Variants in DEPDC1B observed in about 807,000 individuals in gnomAD.
The protein encoded by DEPDC1B is DEP domain-containing protein 1B.
DEPDC1B carries 51 observed loss-of-function variants against 66.5 expected under a neutral mutation model. That is an observed-to-expected ratio of 0.77 (90% confidence interval 0.61 to 0.97). DEPDC1B has a LOEUF of 0.97. DEPDC1B is among the 50% of genes least tolerant of loss of function. The pLI is 0.00. For missense variants in DEPDC1B, 552 were observed against 637.1 expected, an observed-to-expected ratio of 0.87 and a Z score of 1.44; for synonymous variants, 226 against 223.6, an observed-to-expected ratio of 1.01 and a Z score of -0.10.
At position 60,603,428 on chromosome 5, in the gene DEPDC1B, G is replaced by C. The variant is rs757977144; in HGVS notation, c.1205C>G (p.Ser402Cys). 6.2e-7 allele frequency: 1 copy of C among 1,610,618 alleles called. No individual in the cohort carries two copies. The highest frequency in any genetic ancestry group is 2.2e-5 in the East Asian group (1 of 44,746). Reference protein sequence around the residue: ...ILKVPLALQTSIEERVAHLRR... With the variant: ...ILKVPLALQTCIEERVAHLRR... Reference sequence around the variant, plus strand: ...TAGATGAGCCACACGCTCCTCTATAGAGGTCTGCAAGGCCAAAGGGACTTT... The same window carrying C: ...TAGATGAGCCACACGCTCCTCTATACAGGTCTGCAAGGCCAAAGGGACTTT... The change falls in exon 9 of 11, where the codon TCT becomes TGT. Residue 402 changes from serine to cysteine, a missense_variant. Ser to Cys is a moderately radical substitution (Grantham distance 112). Transcript: ENST00000265036.
chr5:60,667,686 TAATGGATATTTTACATGTATATAA>T (rs1554054904), intron 2 of DEPDC1B, among the ~76,000 whole-genome samples: 2 of 123,236 alleles, frequency 1.6e-5, no homozygotes, highest in Admixed American at 8.1e-5. Flanking sequence ...TACATGTATA[TAATGGATATTTTACATGTATATAA>T]AATGGATATT....
intron 9 of DEPDC1B, 95 bp from the exon 10 acceptor site, chr5:60,599,355 C>T (rs1487434715): frequency 5.6e-6 from 5 of 899,728 alleles, no homozygotes; most frequent in East Asian, 6.3e-5. Flanking sequence ...CTCCTTGTAC[C>T]GTAGCAATGC....
intron 7 of DEPDC1B, among the ~76,000 whole-genome samples, chr5:60,628,038 T>C (rs1442641570): frequency 2.6e-5 from 4 of 152,124 alleles, no homozygotes; most frequent in African/African-American, 4.8e-5. Flanking sequence ...CCAAATAAAC[T>C]GTGCAATCAA....
chr5:60,699,995 G>T (rs889716323), intron 1 of DEPDC1B, 51 bp downstream of exon 1: 36 of 1,542,046 alleles, frequency 2.3e-5, no homozygotes, highest in South Asian at 3.6e-5. Context: ...CGCGCTGAGT[G>T]GGGGCTCGCG....
chr5:60,644,282 T>C (rs1753258741), intron 5 of DEPDC1B, among the ~76,000 whole-genome samples: 1 of 149,630 alleles, frequency 6.7e-6, no homozygotes, highest in Non-Finnish European at 1.5e-5. Flanking sequence ...GGGTGGGAAA[T>C]ATAAAAAATC....
chr5:60,645,397 C>A (rs1436674171), intron 4 of DEPDC1B, 95 bp downstream of exon 4: 2 of 1,226,550 alleles, frequency 1.6e-6, no homozygotes, highest in Non-Finnish European at 2.2e-6. Flanking sequence ...GATTTTTATA[C>A]ATAATTTCAG....
At chr5:60,698,238 T>C (rs930936562) in intron 1 of DEPDC1B, among the ~76,000 whole-genome samples, 7 of 152,244 alleles carry the variant, frequency 4.6e-5, no homozygotes, top group African/African-American at 1.7e-4. Context: ...CAAAGATGAG[T>C]GCAATGATTC....
chr5:60,675,896 CTTTTTTCT>C (rs1754144608), intron 2 of DEPDC1B, among the ~76,000 whole-genome samples: 1 of 143,082 alleles, frequency 7.0e-6, no homozygotes, highest in Admixed American at 6.8e-5. Context: ...TTCTCTGTTT[CTTTTTTCT>C]TTTTTTTTTT....
chr5:60,698,349 T>C (rs1754702082), intron 1 of DEPDC1B, among the ~76,000 whole-genome samples: 1 of 152,268 alleles, frequency 6.6e-6, no homozygotes, highest in Admixed American at 6.5e-5. Flanking sequence ...TAACTTGCTT[T>C]GACCAATGAG....
At chr5:60,655,096 A>C (rs1753547016) in intron 2 of DEPDC1B, among the ~76,000 whole-genome samples, 1 of 148,568 alleles carries the variant, frequency 6.7e-6, no homozygotes, top group Non-Finnish European at 1.5e-5. Context: ...ATTTTTTGTT[A>C]TATCCTTTCC....
At chr5:60,623,846 A>T (rs751149122) in intron 7 of DEPDC1B, among the ~76,000 whole-genome samples, 1 of 152,016 alleles carries the variant, frequency 6.6e-6, no homozygotes, top group African/African-American at 2.4e-5. Flanking sequence ...TTTCCAATTG[A>T]TTTTTATACA....
At chr5:60,699,689 G>C (rs1754739621) in intron 1 of DEPDC1B, among the ~76,000 whole-genome samples, 1 of 152,276 alleles carries the variant, frequency 6.6e-6, no homozygotes, top group East Asian at 1.9e-4. Context: ...GAGCGTTACG[G>C]GGTACGTGGT....
chr5:60,640,980 A>G (rs1201964122), intron 6 of DEPDC1B, among the ~76,000 whole-genome samples: 1 of 152,222 alleles, frequency 6.6e-6, no homozygotes, highest in African/African-American at 2.4e-5. Context: ...TGTTTGACAC[A>G]TAAATAAACA....
intron 2 of DEPDC1B, among the ~76,000 whole-genome samples, chr5:60,653,502 T>C (rs1390843000): frequency 1.3e-5 from 2 of 152,206 alleles, no homozygotes; most frequent in Non-Finnish European, 2.9e-5. Flanking sequence ...TGGATATTAG[T>C]CCTTTGTCAG....
chr5:60,662,415 G>A (rs535574066), intron 2 of DEPDC1B, among the ~76,000 whole-genome samples: 38 of 152,040 alleles, frequency 2.5e-4, no homozygotes, highest in Non-Finnish European at 3.5e-4. Context: ...AAAGTCTGCC[G>A]TAGGCCCAGA....
At chr5:60,694,075 A>G (rs531266199) in intron 1 of DEPDC1B, among the ~76,000 whole-genome samples, 7 of 152,152 alleles carry the variant, frequency 4.6e-5, no homozygotes, top group Non-Finnish European at 7.4e-5. Flanking sequence ...TACAGAAGTA[A>G]TAACACTCAT....
chr5:60,659,472 C>T (rs924797501), intron 2 of DEPDC1B, among the ~76,000 whole-genome samples: 5 of 152,198 alleles, frequency 3.3e-5, no homozygotes, highest in Admixed American at 2.6e-4. Flanking sequence ...GGCTTTCTAA[C>T]AACCCCCAAC....
chr5:60,688,261 T>G (rs1754467591), intron 1 of DEPDC1B, among the ~76,000 whole-genome samples: 1 of 151,936 alleles, frequency 6.6e-6, no homozygotes, highest in African/African-American at 2.4e-5. Flanking sequence ...TCAAATAATA[T>G]ATATTAGTTT....
At chr5:60,693,836 A>G (rs1235660934) in intron 1 of DEPDC1B, among the ~76,000 whole-genome samples, 1 of 152,104 alleles carries the variant, frequency 6.6e-6, no homozygotes, top group Non-Finnish European at 1.5e-5. Flanking sequence ...GTTGTACCGA[A>G]AAGGCATAAT....
Sources: allele counts gnomAD v4.1 joint callset (sites outside exome capture counted in the v4.1 genomes callset), GRCh38; gene constraint gnomAD v4.1.1; transcripts MANE v1.5; gene names NCBI Gene and HGNC (gene_info 2026-07-23, HGNC 2026-07-21).